Variants in SCAPER observed in about 807,000 individuals in gnomAD.
SCAPER encodes the protein S-phase cyclin A associated protein in the ER, also known as S phase cyclin A-associated protein in the endoplasmic reticulum.
A neutral mutation model predicts 182.2 loss-of-function variants in SCAPER; 98 were observed. The ratio of observed to expected loss-of-function variants is 0.54; its 90% confidence interval spans 0.46 to 0.64. The LOEUF (loss-of-function observed/expected upper bound fraction) is 0.64. Ranked by LOEUF, SCAPER falls within the 30% of genes least tolerant of loss-of-function variation. The pLI is 0.00. For synonymous variants in SCAPER, 605 were observed against 564.6 expected (o/e 1.07, Z -1.01); for missense variants, 1,432 against 1,690.0 (o/e 0.85, Z 2.68).
At position 76,809,239 on chromosome 15, in the gene SCAPER, G is replaced by A. The variant is rs74024626; in HGVS notation, c.394-4606C>T. ...AAGGGTCAAAGAAAATGAAGAAACA[G>A]GTATACAAGTTCCAAATAAAAGAGC... is the stretch of plus-strand genomic sequence containing the variant. On this transcript the variant is annotated intron_variant, in intron 5 of 31. Coordinates refer to ENST00000563290, the MANE Select transcript of SCAPER (RefSeq NM_020843.4). 3.3e-3 allele frequency among the ~76,000 whole-genome samples: 501 copies of A among 152,158 alleles called. 5 individuals are homozygous for A. Among genetic ancestry groups the A allele is most frequent in the African/African-American group, 0.011 (470 of 41,512 alleles).
chr15:76,470,079 A>G (rs1011016887), intron 25 of SCAPER, among the ~76,000 whole-genome samples: 5 of 152,138 alleles, frequency 3.3e-5, no homozygotes, highest in Non-Finnish European at 4.4e-5. Context: ...CTCAATGTCA[A>G]TATGTCTGAC....
At chr15:76,436,330 A>G (rs745987453) in intron 25 of SCAPER, among the ~76,000 whole-genome samples, 1 of 152,186 alleles carries the variant, frequency 6.6e-6, no homozygotes. Flanking sequence ...GGCCTCCCCA[A>G]GTGCTGAGAC....
intron 7 of SCAPER, 150 bp downstream of exon 7, chr15:76,800,098 T>C (rs1351442516): frequency 1.1e-5 from 5 of 445,238 alleles, no homozygotes; most frequent in African/African-American, 3.8e-5. Context: ...CAACACACAG[T>C]GTTCCCCTCC....
chr15:76,675,845 G>C (rs2057339223), intron 20 of SCAPER, among the ~76,000 whole-genome samples: 1 of 150,434 alleles, frequency 6.6e-6, no homozygotes, highest in Admixed American at 6.6e-5. Flanking sequence ...TTTTTTTTGA[G>C]ATGGAGTCCC....
At chr15:76,617,524 C>G (rs1742150703) in intron 22 of SCAPER, among the ~76,000 whole-genome samples, 1 of 152,166 alleles carries the variant, frequency 6.6e-6, no homozygotes, top group African/African-American at 2.4e-5. Context: ...CTAACATAAC[C>G]AGCTAGGTGA....
chr15:76,711,154 C>A (rs1444365674), intron 17 of SCAPER, among the ~76,000 whole-genome samples: 1 of 152,052 alleles, frequency 6.6e-6, no homozygotes, highest in Non-Finnish European at 1.5e-5. Context: ...GCAACAATTT[C>A]TTAGATATGA....
chr15:76,372,043 G>A (rs1442171914), intron 29 of SCAPER, among the ~76,000 whole-genome samples: 1 of 146,376 alleles, frequency 6.8e-6, no homozygotes, highest in African/African-American at 2.5e-5. Context: ...TTTTAATCTT[G>A]TTCTTTCTTC....
intron 8 of SCAPER, among the ~76,000 whole-genome samples, chr15:76,779,974 G>A (rs956544898): frequency 6.6e-6 from 1 of 152,196 alleles, no homozygotes; most frequent in Non-Finnish European, 1.5e-5. Context: ...CGACGCAGAA[G>A]AAAGGATTTC....
At chr15:76,714,522 AGTAGTAGTAGTG>A (rs2059776285) in intron 17 of SCAPER, among the ~76,000 whole-genome samples, 2 of 137,400 alleles carry the variant, frequency 1.5e-5, no homozygotes, top group African/African-American at 5.6e-5. Context: ...TTACCATTCT[AGTAGTAGTAGTG>A]GTAGTAGTAG....
At position 76,589,536 on chromosome 15, in the gene SCAPER, C is replaced by T. The variant is rs570815463; in HGVS notation, c.2712-15252G>A. 3.3e-5 allele frequency among the ~76,000 whole-genome samples: 5 copies of T among 152,212 alleles called. 1 individual carries two copies. The South Asian group carries it at 1.0e-3, about 32-fold the overall frequency. On this transcript the variant is annotated intron_variant, in intron 22 of 31. Transcript: ENST00000563290. ...AAAGGCTGGTGTCACTCCCACTGTG[C>T]CCCCTGCAACAGCACTAAGTTTGTT...
intron 29 of SCAPER, among the ~76,000 whole-genome samples, chr15:76,371,354 C>T (rs2042161534): frequency 6.7e-6 from 1 of 148,964 alleles, no homozygotes; most frequent in Non-Finnish European, 1.5e-5. Flanking sequence ...GAGTCTTGCT[C>T]TGTCACCCAG....
rs182926430 is a variant in SCAPER, at chr15:76,428,667, G to A, written c.3311+5411C>T. Among the ~76,000 whole-genome samples the A allele has an allele frequency of 7.2e-5, 11 of 151,868 alleles. No individual in the cohort carries two copies. The East Asian group carries it at 1.9e-3, about 27-fold the overall frequency. ...GGGGAAGAAGAGAGGAGGAAGAGAG[G>A]TTGGTCAATGGGTACAAGGCTACAA... On this transcript the variant is annotated intron_variant, in intron 26 of 31. Coordinates refer to ENST00000563290, the MANE Select transcript of SCAPER (RefSeq NM_020843.4).
rs78207463 is a variant in SCAPER at position 76,530,343 on chromosome 15, G to A, written c.2839-25369C>T. Among the ~76,000 whole-genome samples, 900 of 152,268 alleles carry A rather than the reference G, an allele frequency of 5.9e-3. 4 individuals carry two copies. Among genetic ancestry groups the A allele is most frequent in the African/African-American group, 0.021 (867 of 41,542 alleles). ...ACCACATGACTCCTTGGTTTTCAAT[G>A]AGCAGATGAATCCAGCTATCAGGCA... On this transcript the variant is annotated intron_variant, in intron 23 of 31. Coordinates refer to ENST00000563290, the MANE Select transcript of SCAPER (RefSeq NM_020843.4).
chr15:76,371,512 G>A (rs530511269), intron 29 of SCAPER, among the ~76,000 whole-genome samples: 1 of 151,790 alleles, frequency 6.6e-6, no homozygotes, highest in African/African-American at 2.4e-5. Flanking sequence ...TAGAGACGGG[G>A]TTTCACCATG....
chr15:76,478,907 C>T (rs283797), intron 24 of SCAPER, among the ~76,000 whole-genome samples: 147,886 of 152,228 alleles, frequency 0.97, 71,967 homozygotes, highest in South Asian at 1. Flanking sequence ...TTTTGAACTA[C>T]ATTTATATAA....
At chr15:76,556,243 C>T (rs747828526) in intron 23 of SCAPER, among the ~76,000 whole-genome samples, 1 of 152,044 alleles carries the variant, frequency 6.6e-6, no homozygotes, top group Non-Finnish European at 1.5e-5. Context: ...ATACAACATA[C>T]CAGAATCTGT....
At chr15:76,414,713 A>T (rs1008582294) in intron 26 of SCAPER, among the ~76,000 whole-genome samples, 1 of 151,098 alleles carries the variant, frequency 6.6e-6, no homozygotes, top group Non-Finnish European at 1.5e-5. Flanking sequence ...TCTGAAAGAC[A>T]TAACAGTCTA....
chr15:76,711,442 A>T (rs2059558509), intron 17 of SCAPER, among the ~76,000 whole-genome samples: 1 of 152,208 alleles, frequency 6.6e-6, no homozygotes, highest in Non-Finnish European at 1.5e-5. Flanking sequence ...AGCACCAGTC[A>T]TTAGAGAAAT....
chr15:76,542,378 C>T (rs1315314238), intron 23 of SCAPER, among the ~76,000 whole-genome samples: 2 of 151,742 alleles, frequency 1.3e-5, no homozygotes, highest in Non-Finnish European at 2.9e-5. Flanking sequence ...CAAAAATTAG[C>T]TGGATGTGGT....
Sources: allele counts gnomAD v4.1 joint callset (sites outside exome capture counted in the v4.1 genomes callset), GRCh38; gene constraint gnomAD v4.1.1; transcripts MANE v1.5; gene names NCBI Gene and HGNC (gene_info 2026-07-23, HGNC 2026-07-21).